GRM3: variants seen among roughly 807,000 people sequenced by gnomAD.
The protein encoded by GRM3 is metabotropic glutamate receptor 3.
A neutral mutation model predicts 70.5 loss-of-function variants in GRM3; 26 were observed. The observed-to-expected ratio is 0.37, with a 90% CI of 0.27 to 0.51. The LOEUF (loss-of-function observed/expected upper bound fraction) is 0.51. Among genes scored for constraint, GRM3 ranks in the 20% least tolerant of loss-of-function variants. The pLI, the probability that GRM3 is intolerant of heterozygous loss-of-function variation, is 0.93. For missense variants in GRM3, 859 were observed against 1,123.8 expected (o/e 0.76, Z 3.37); for synonymous variants, 443 against 434.9 (o/e 1.02, Z -0.23).
chr7:86,808,578 G>C (rs766674914), intron 3 of GRM3, among the ~76,000 whole-genome samples: 1 of 151,762 alleles, frequency 6.6e-6, no homozygotes, highest in Non-Finnish European at 1.5e-5. Flanking sequence ...AGTGGAATAA[G>C]GCATCCCAGG....
intron 1 of GRM3, among the ~76,000 whole-genome samples, chr7:86,707,777 C>CT (rs1398403220): frequency 6.6e-6 from 1 of 152,020 alleles, no homozygotes; most frequent in East Asian, 1.9e-4. Context: ...AAGCAGAATG[C>CT]TTTTATCATC....
Position 86,810,497 on chromosome 7 carries a change from T to A in GRM3, c.1324+23381T>A, listed in dbSNP as rs542105215. Among the ~76,000 whole-genome samples, 17 of 152,162 alleles carry A rather than the reference T, an allele frequency of 1.1e-4. No homozygotes were observed. In the East Asian group the frequency reaches 3.1e-3, roughly 28 times the overall value. ...CACTGAAAATAACAAGGTAATCTTA[T>A]GTGGTTCCTCCAAATTGGAAACCAC... is the stretch of plus-strand genomic sequence containing the variant. On this transcript the variant is annotated intron_variant, in intron 3 of 5. Coordinates refer to ENST00000361669, the MANE Select transcript of GRM3 (RefSeq NM_000840.3).
At position 86,765,448 on chromosome 7, in the gene GRM3, G is replaced by A; in HGVS notation, c.303G>A (p.Arg101=). ...TTCACATTTTGGATACATGTTCAAG[G>A]GATACCTATGCATTGGAGCAATCAC... ...LGVHILDTCS[R]DTYALEQSLE... Residue 101 remains arginine (R), a synonymous_variant, in exon 2 of 6, where the codon AGG becomes AGA. Transcript: ENST00000361669. The A allele has an allele frequency of 6.2e-7, 1 of 1,613,922 alleles. No individual in the cohort carries two copies. Among genetic ancestry groups the A allele is most frequent in the East Asian group, 2.2e-5 (1 of 44,862 alleles).
At chr7:86,734,644 A>G (rs1795813979) in intron 1 of GRM3, among the ~76,000 whole-genome samples, 1 of 152,228 alleles carries the variant, frequency 6.6e-6, no homozygotes. Flanking sequence ...CTGACAATAT[A>G]AATGTCCTTC....
chr7:86,727,231 TC>T (rs1795613148), intron 1 of GRM3, among the ~76,000 whole-genome samples: 1 of 152,130 alleles, frequency 6.6e-6, no homozygotes, highest in African/African-American at 2.4e-5. Context: ...TATGACCCTA[TC>T]CCTCAGGAGA....
intron 3 of GRM3, among the ~76,000 whole-genome samples, chr7:86,838,369 C>CT (rs1441655044): frequency 6.6e-6 from 1 of 151,968 alleles, no homozygotes; most frequent in East Asian, 1.9e-4. Context: ...AAAAAATGTT[C>CT]TTTATTTTGA....
intron 1 of GRM3, among the ~76,000 whole-genome samples, chr7:86,736,178 C>T (rs558925370): frequency 5.3e-5 from 8 of 152,134 alleles, no homozygotes; most frequent in East Asian, 1.9e-4. Flanking sequence ...GAAAAGCTAA[C>T]GGATACATGG....
At chr7:86,680,208 G>A (rs1433947090) in intron 1 of GRM3, among the ~76,000 whole-genome samples, 1 of 152,240 alleles carries the variant, frequency 6.6e-6, no homozygotes, top group East Asian at 1.9e-4. Flanking sequence ...GAGGATTACT[G>A]AAGGGACCAT....
chr7:86,823,940 G>A (rs1798179875), intron 3 of GRM3, among the ~76,000 whole-genome samples: 1 of 152,144 alleles, frequency 6.6e-6, no homozygotes, highest in Non-Finnish European at 1.5e-5. Context: ...GTGAATGGCA[G>A]ATCTTCCTTC....
At chr7:86,775,021 C>G (rs1291537343) in intron 2 of GRM3, 4 of 152,004 alleles carry the variant, frequency 2.6e-5, no homozygotes, top group Non-Finnish European at 4.4e-5. Context: ...ACATGTAACT[C>G]CTTGATCTAA....
chr7:86,707,053 G>C (rs1204265548), intron 1 of GRM3, among the ~76,000 whole-genome samples: 1 of 152,052 alleles, frequency 6.6e-6, no homozygotes, highest in Non-Finnish European at 1.5e-5. Context: ...CCGATAGCAA[G>C]AGTAGCTAAA....
intron 3 of GRM3, among the ~76,000 whole-genome samples, chr7:86,800,650 G>T (rs1797660191): frequency 6.6e-6 from 1 of 152,156 alleles, no homozygotes; most frequent in Non-Finnish European, 1.5e-5. Context: ...GTAATAAACA[G>T]CCTACCCACT....
intron 1 of GRM3, among the ~76,000 whole-genome samples, chr7:86,651,154 C>T (rs902231282): frequency 1.3e-5 from 2 of 152,220 alleles, no homozygotes; most frequent in Non-Finnish European, 2.9e-5. Flanking sequence ...TTCCCACAGA[C>T]AGGAAACCTG....
At chr7:86,796,079 T>C (rs1797542257) in intron 3 of GRM3, among the ~76,000 whole-genome samples, 1 of 152,256 alleles carries the variant, frequency 6.6e-6, no homozygotes, top group African/African-American at 2.4e-5. Context: ...AGATCTCATT[T>C]GTCAATTTTT....
chr7:86,782,103 T>C (rs950063746), intron 2 of GRM3, among the ~76,000 whole-genome samples: 34 of 152,328 alleles, frequency 2.2e-4, no homozygotes, highest in African/African-American at 7.9e-4. Flanking sequence ...AACTTTGTTC[T>C]AGAAGATTAC....
chr7:86,756,012 G>C (rs1185255125), intron 1 of GRM3, among the ~76,000 whole-genome samples: 2 of 152,052 alleles, frequency 1.3e-5, no homozygotes, highest in African/African-American at 4.8e-5. Context: ...TTGTAGGTTT[G>C]ATTTTCCATC....
At chr7:86,725,828 C>T (rs927907766) in intron 1 of GRM3, among the ~76,000 whole-genome samples, 2 of 152,036 alleles carry the variant, frequency 1.3e-5, no homozygotes, top group African/African-American at 4.8e-5. Flanking sequence ...AAGGGCCATC[C>T]GCCTGGTTAT....
chr7:86,700,434 C>G (rs1176168237), intron 1 of GRM3, among the ~76,000 whole-genome samples: 1 of 151,852 alleles, frequency 6.6e-6, no homozygotes, highest in African/African-American at 2.4e-5. Flanking sequence ...TGAGAGCCTA[C>G]AATCTTACTT....
chr7:86,859,092 C>T (rs943295699), intron 5 of GRM3, among the ~76,000 whole-genome samples: 5 of 152,218 alleles, frequency 3.3e-5, no homozygotes, highest in East Asian at 1.9e-4. Context: ...AGTCATCCTG[C>T]GACCTCAGCA....
Sources: allele counts gnomAD v4.1 joint callset (sites outside exome capture counted in the v4.1 genomes callset), GRCh38; gene constraint gnomAD v4.1.1; transcripts MANE v1.5; gene names NCBI Gene and HGNC (gene_info 2026-07-23, HGNC 2026-07-21).